Variants in NEGR1 observed in about 807,000 individuals in gnomAD.
The protein encoded by NEGR1 is IgLON family member 4.
A neutral mutation model predicts 40.9 loss-of-function variants in NEGR1; 10 were observed. The observed-to-expected ratio is 0.24, with a 90% CI of 0.15 to 0.42. The LOEUF (loss-of-function observed/expected upper bound fraction) is 0.42, where lower values mean the gene tolerates loss of function less well. Among genes scored for constraint, NEGR1 ranks in the 10% least tolerant of loss-of-function variants. The pLI is 1.00. For missense variants in NEGR1, 352 were observed against 438.9 expected (o/e 0.80, Z 1.77); for synonymous variants, 185 against 166.8 (o/e 1.11, Z -0.84).
At chr1:71,894,646 A>C (rs185076503) in intron 2 of NEGR1, among the ~76,000 whole-genome samples, 1 of 152,378 alleles carries the variant, frequency 6.6e-6, no homozygotes, top group East Asian at 1.9e-4. Flanking sequence ...AACTTATCAA[A>C]TACAGGTTTA....
At chr1:71,608,077 C>A (rs1650125223) in intron 5 of NEGR1, among the ~76,000 whole-genome samples, 1 of 152,186 alleles carries the variant, frequency 6.6e-6, no homozygotes, top group Non-Finnish European at 1.5e-5. Context: ...CAACCAGAAT[C>A]CTTCTTTTTC....
At chr1:71,601,717 G>A (rs1195152806) in intron 5 of NEGR1, among the ~76,000 whole-genome samples, 2 of 152,024 alleles carry the variant, frequency 1.3e-5, no homozygotes, top group African/African-American at 2.4e-5. Flanking sequence ...ACAGAAAATC[G>A]AATACTGCAT....
At chr1:71,588,770 A>G (rs1649397728) in intron 6 of NEGR1, among the ~76,000 whole-genome samples, 1 of 152,124 alleles carries the variant, frequency 6.6e-6, no homozygotes, top group Non-Finnish European at 1.5e-5. Flanking sequence ...GAAAGAGGCA[A>G]ACAAGCTGAA....
At chr1:72,137,932 A>C (rs1043002321) in intron 1 of NEGR1, among the ~76,000 whole-genome samples, 2 of 152,122 alleles carry the variant, frequency 1.3e-5, no homozygotes, top group African/African-American at 4.8e-5. Context: ...CAGAAAAGTC[A>C]ACCTAGAGTT....
chr1:71,972,740 T>TA (rs1185380552), intron 1 of NEGR1, among the ~76,000 whole-genome samples: 1 of 152,148 alleles, frequency 6.6e-6, no homozygotes, highest in East Asian at 1.9e-4. Context: ...TTTATTTTGA[T>TA]ACAGCTGAAC....
At chr1:71,977,760 G>C (rs1163587808) in intron 1 of NEGR1, among the ~76,000 whole-genome samples, 2 of 30,042 alleles carry the variant, frequency 6.7e-5, no homozygotes, top group Non-Finnish European at 1.3e-4. Flanking sequence ...GAAAATAGTA[G>C]AAAAGTAGAA....
At chr1:72,202,083 G>A (rs541607272) in intron 1 of NEGR1, among the ~76,000 whole-genome samples, 7 of 151,672 alleles carry the variant, frequency 4.6e-5, no homozygotes, top group African/African-American at 1.5e-4. Context: ...TAATTCCTGC[G>A]GTAAGTCAAA....
chr1:71,684,036 C>G (rs2101613571), intron 4 of NEGR1, among the ~76,000 whole-genome samples: 1 of 152,092 alleles, frequency 6.6e-6, no homozygotes, highest in Middle Eastern at 3.4e-3. Flanking sequence ...TTTGGGATGC[C>G]CAGGCGGGCA....
intron 6 of NEGR1, among the ~76,000 whole-genome samples, chr1:71,418,074 A>AGT (rs1646367952): frequency 2.6e-5 from 1 of 38,162 alleles, no homozygotes; most frequent in African/African-American, 6.9e-5. Flanking sequence ...TCCAGGGTAC[A>AGT]CTTTTTTTTT....
intron 1 of NEGR1, among the ~76,000 whole-genome samples, chr1:72,273,079 A>T (rs1655898885): frequency 6.6e-6 from 1 of 151,964 alleles, no homozygotes; most frequent in African/African-American, 2.4e-5. Flanking sequence ...CCAATAGATA[A>T]CATCCTCAAC....
intron 1 of NEGR1, among the ~76,000 whole-genome samples, chr1:72,143,920 T>TATATATATATATATATA (rs1553145024): frequency 3.8e-5 from 4 of 105,206 alleles, no homozygotes; most frequent in African/African-American, 1.5e-4. Context: ...ATATAATATA[T>TATATATATATATATATA]ATATATATAT....
intron 4 of NEGR1, among the ~76,000 whole-genome samples, chr1:71,622,538 T>C (rs1022406626): frequency 3.3e-5 from 5 of 151,966 alleles, no homozygotes; most frequent in Admixed American, 1.3e-4. Flanking sequence ...AATTTTTTTG[T>C]AATTTATTAA....
rs1278719976 is a variant in NEGR1 at position 71,850,133 on chromosome 1, CTTTTTTTGTTTG to C, written c.410-73848_410-73837del. ...GTTAAGAACATTTATAATCTACTGT[CTTTTTTTGTTTG>C]TTTGTTTGTTTGTTTGTTTGTTTGT... is the stretch of plus-strand genomic sequence containing the variant. On this transcript the variant is annotated intron_variant, in intron 2 of 6. Transcript: ENST00000357731. Among the ~76,000 whole-genome samples the C allele has an allele frequency of 2.8e-3, 413 of 149,504 alleles. 1 individual carries two copies. Among genetic ancestry groups the C allele is most frequent in the Non-Finnish European group, 4.2e-3 (284 of 66,878 alleles).
At chr1:71,604,729 G>T (rs999053131) in intron 5 of NEGR1, among the ~76,000 whole-genome samples, 1 of 152,056 alleles carries the variant, frequency 6.6e-6, no homozygotes, top group Non-Finnish European at 1.5e-5. Context: ...GCATTCATTC[G>T]TATCTGCACA....
chr1:71,946,633 A>T (rs1334557801), intron 1 of NEGR1, among the ~76,000 whole-genome samples: 1 of 151,968 alleles, frequency 6.6e-6, no homozygotes, highest in African/African-American at 2.4e-5. Context: ...TTTGATCCTA[A>T]TTTTTCTTTA....
intron 1 of NEGR1, among the ~76,000 whole-genome samples, chr1:72,184,296 G>A (rs917205098): frequency 1.3e-5 from 2 of 152,202 alleles, no homozygotes; most frequent in Admixed American, 1.3e-4. Flanking sequence ...GCAACAAAGA[G>A]GGTGTTCAGA....
At chr1:71,598,864 A>G (rs1424105661) in intron 5 of NEGR1, among the ~76,000 whole-genome samples, 2 of 152,204 alleles carry the variant, frequency 1.3e-5, no homozygotes, top group East Asian at 1.9e-4. Flanking sequence ...TTTTTCTAAC[A>G]TCATTTCAGC....
intron 3 of NEGR1, among the ~76,000 whole-genome samples, chr1:71,766,019 C>T (rs1656112956): frequency 6.6e-6 from 1 of 151,878 alleles, no homozygotes; most frequent in Non-Finnish European, 1.5e-5. Flanking sequence ...ACTAAAAATA[C>T]AAAAATTAGC....
intron 4 of NEGR1, among the ~76,000 whole-genome samples, chr1:71,663,400 T>C (rs1274449556): frequency 1.3e-5 from 2 of 152,180 alleles, no homozygotes; most frequent in Non-Finnish European, 2.9e-5. Context: ...ACTTGCTTCT[T>C]TGTCTATATG....
Sources: allele counts gnomAD v4.1 joint callset (sites outside exome capture counted in the v4.1 genomes callset), GRCh38; gene constraint gnomAD v4.1.1; transcripts MANE v1.5; gene names NCBI Gene and HGNC (gene_info 2026-07-23, HGNC 2026-07-21).